Variants in TRPC5 observed in about 807,000 individuals in gnomAD.
The protein encoded by TRPC5 is short transient receptor potential channel 5.
Under a neutral mutation model 56.5 loss-of-function variants are expected in TRPC5, and 9 were observed. The observed-to-expected ratio is 0.16, with a 90% confidence interval of 0.10 to 0.28. The LOEUF (loss-of-function observed/expected upper bound fraction) is 0.28, where lower values mean the gene tolerates loss of function less well. TRPC5 is among the 10% of genes least tolerant of loss of function. The pLI is 1.00. For missense variants in TRPC5, 469 were observed against 748.9 expected, an observed-to-expected ratio of 0.63 and a Z score of 4.36; for synonymous variants, 282 against 278.5, an observed-to-expected ratio of 1.01 and a Z score of -0.13.
chrX:111,834,951 A>G lies in TRPC5; in HGVS notation c.1866T>C (p.Ala622=). The change falls in exon 7 of 11, where the codon GCT becomes GCC. Residue 622 remains alanine, a synonymous_variant. Coordinates refer to ENST00000262839, the MANE Select transcript of TRPC5 (RefSeq NM_012471.3). Reference sequence around the variant, plus strand: ...TAAGCTGATAGGAGTTGTTCATCATAGCAATCAGCATGTTCAGCAGCACTA... The same window carrying G: ...TAAGCTGATAGGAGTTGTTCATCATGGCAATCAGCATGTTCAGCAGCACTA... ...SLVVLLNMLI[A]MMNNSYQLIA... is the part of the protein sequence containing the mutation. 8.3e-7 allele frequency: 1 copy of G among 1,210,001 alleles called. No individual in the cohort carries two copies. The highest frequency in any genetic ancestry group is 1.1e-6 in the Non-Finnish European group (1 of 894,455).
At chrX:111,929,983 C>G (rs1416582590) in intron 2 of TRPC5, among the ~76,000 whole-genome samples, 1 of 111,992 alleles carries the variant, frequency 8.9e-6, no homozygotes, top group Non-Finnish European at 1.9e-5. Context: ...CAGTAACACT[C>G]CTGCCCAGTA....
intron 7 of TRPC5, among the ~76,000 whole-genome samples, chrX:111,827,033 G>C (rs776877613): frequency 1.8e-5 from 2 of 111,754 alleles, no homozygotes; most frequent in Non-Finnish European, 3.8e-5. Flanking sequence ...TAGAGGTTCT[G>C]TGTGTGGGTC....
chrX:111,970,926 C>T (rs1301869358), intron 1 of TRPC5, among the ~76,000 whole-genome samples: 2 of 109,772 alleles, frequency 1.8e-5, no homozygotes, highest in Non-Finnish European at 3.8e-5. Context: ...TACAGGCGCC[C>T]ACCACCACGC....
rs769294761 is a variant in TRPC5, at chrX:111,776,772, A to T, written c.2463T>A (p.Ser821Arg). Residue 821 changes from serine (S) to arginine (R), a missense_variant, in exon 11 of 11, where the codon AGT becomes AGA. Ser to Arg is a moderately radical substitution (Grantham distance 110). Transcript: ENST00000262839. ...PPLIRTMPRS[S>R]GAQGKSKAES... ...CAGCTTTTGACTTTCCTTGGGCACC[A>T]CTGGACCTTGGCATGGTTCTGATGA... The T allele has an allele frequency of 8.3e-7, 1 of 1,210,397 alleles. No homozygotes were observed.
At chrX:111,990,353 G>A (rs1449121195) in intron 1 of TRPC5, among the ~76,000 whole-genome samples, 1 of 109,957 alleles carries the variant, frequency 9.1e-6, no homozygotes, top group African/African-American at 3.3e-5. Flanking sequence ...AGGAGGCAGA[G>A]GTTGCAGTGA....
chrX:111,791,191 T>A (rs1946018463), intron 7 of TRPC5, among the ~76,000 whole-genome samples: 1 of 110,385 alleles, frequency 9.1e-6, no homozygotes, highest in Admixed American at 9.8e-5. Context: ...GCTTCCATCC[T>A]TTTCCTCCAC....
intron 7 of TRPC5, among the ~76,000 whole-genome samples, chrX:111,830,021 T>TG (rs916663906): frequency 1.8e-5 from 2 of 112,791 alleles, no homozygotes; most frequent in Non-Finnish European, 3.8e-5. Context: ...GCAGCCAGGA[T>TG]GGGGGGCTGT....
chrX:111,779,960 G>C (rs1945907221), intron 9 of TRPC5, among the ~76,000 whole-genome samples: 1 of 111,816 alleles, frequency 8.9e-6, no homozygotes, highest in Non-Finnish European at 1.9e-5. Flanking sequence ...TCTTATTTAA[G>C]ATTTATTATT....
At chrX:111,965,381 T>A (rs1927531530) in intron 1 of TRPC5, among the ~76,000 whole-genome samples, 1 of 111,749 alleles carries the variant, frequency 8.9e-6, no homozygotes, top group South Asian at 3.8e-4. Context: ...AATGGGAGAC[T>A]TTAACACCCC....
At chrX:111,994,776 T>C (rs1198621373) in intron 1 of TRPC5, among the ~76,000 whole-genome samples, 3 of 111,901 alleles carry the variant, frequency 2.7e-5, no homozygotes, top group Non-Finnish European at 5.6e-5. Context: ...TTTGCTGAAG[T>C]TGCTTATCAG....
chrX:112,043,051 C>T (rs1239781013), intron 1 of TRPC5, among the ~76,000 whole-genome samples: 1 of 111,853 alleles, frequency 8.9e-6, no homozygotes, highest in Non-Finnish European at 1.9e-5. Context: ...TGAATATGAA[C>T]TTATGTACAT....
chrX:111,995,053 G>A (rs190122392), intron 1 of TRPC5, among the ~76,000 whole-genome samples: 2 of 112,003 alleles, frequency 1.8e-5, no homozygotes, highest in African/African-American at 3.2e-5. Flanking sequence ...AGTTTTCAAA[G>A]GGAATACTTC....
intron 1 of TRPC5, among the ~76,000 whole-genome samples, chrX:111,954,314 C>T (rs1334626029): frequency 1.8e-5 from 2 of 111,841 alleles, no homozygotes; most frequent in Non-Finnish European, 3.8e-5. Context: ...GTCTAGCACT[C>T]TGCTAGCCCC....
In TRPC5 at chrX:112,003,208, A is replaced by G. The variant is rs979043443; in HGVS notation, c.-21-50767T>C. Among the ~76,000 whole-genome samples, 52 of 112,056 alleles carry G rather than the reference A, an allele frequency of 4.6e-4. No individual in the cohort carries two copies. The Admixed American group carries it at 5.0e-3, about 11-fold the overall frequency. On this transcript the variant is annotated intron_variant, in intron 1 of 10. Coordinates refer to ENST00000262839, the MANE Select transcript of TRPC5 (RefSeq NM_012471.3). ...TATGTGTGAGGCAAACATTAATCAA[A>G]TAATTCAAAAAACATTACAGAGTAC...
At chrX:111,990,924 A>G (rs1286118564) in intron 1 of TRPC5, among the ~76,000 whole-genome samples, 1 of 112,566 alleles carries the variant, frequency 8.9e-6, no homozygotes, top group Non-Finnish European at 1.9e-5. Flanking sequence ...TGCTGCTAGT[A>G]GAAACTGCTC....
intron 6 of TRPC5, among the ~76,000 whole-genome samples, chrX:111,845,936 G>A (rs779309315): frequency 8.9e-6 from 1 of 112,099 alleles, no homozygotes; most frequent in Non-Finnish European, 1.9e-5. Context: ...TAGTGCAGGA[G>A]GTTTAATCAT....
chrX:112,016,106 C>T (rs189596723), intron 1 of TRPC5, among the ~76,000 whole-genome samples: 2 of 111,738 alleles, frequency 1.8e-5, no homozygotes, highest in Admixed American at 1.9e-4. Flanking sequence ...AGTAACAATG[C>T]CCAGTGCTTG....
intron 1 of TRPC5, among the ~76,000 whole-genome samples, chrX:111,979,138 T>C (rs899270983): frequency 2.7e-5 from 3 of 110,915 alleles, no homozygotes. Flanking sequence ...GACAAATAGA[T>C]TAATGGAAAA....
chrX:112,058,770 C>T (rs1245973058), intron 1 of TRPC5, among the ~76,000 whole-genome samples: 2 of 111,671 alleles, frequency 1.8e-5, no homozygotes, highest in Non-Finnish European at 3.8e-5. Context: ...TTCTTAAAAG[C>T]TTTTAAGAGG....
Sources: allele counts gnomAD v4.1 joint callset (sites outside exome capture counted in the v4.1 genomes callset), GRCh38; gene constraint gnomAD v4.1.1; transcripts MANE v1.5; gene names NCBI Gene and HGNC (gene_info 2026-07-23, HGNC 2026-07-21).